Variants in POLH observed in about 807,000 individuals in gnomAD.
POLH encodes DNA polymerase eta.
Under a neutral mutation model 73.6 loss-of-function variants are expected in POLH, and 53 were observed. The ratio of observed to expected loss-of-function variants is 0.72; its 90% CI spans 0.58 to 0.91. The LOEUF (loss-of-function observed/expected upper bound fraction) is 0.91, where lower values mean the gene tolerates loss of function less well. POLH is among the 40% of genes least tolerant of loss of function. POLH has a pLI of 0.00. For synonymous variants in POLH, 292 were observed against 308.5 expected, an observed-to-expected ratio of 0.95 and a Z score of 0.56; for missense variants, 768 against 865.4, an observed-to-expected ratio of 0.89 and a Z score of 1.41.
intron 4 of POLH, among the ~76,000 whole-genome samples, chr6:43,589,661 G>A (rs1478046953): frequency 6.8e-6 from 1 of 147,846 alleles, no homozygotes; most frequent in Non-Finnish European, 1.5e-5. Flanking sequence ...TGAGATGGAA[G>A]TCTCACTATG....
At chr6:43,601,613 A>G (rs964367946) in intron 6 of POLH, among the ~76,000 whole-genome samples, 1 of 152,034 alleles carries the variant, frequency 6.6e-6, no homozygotes, top group Non-Finnish European at 1.5e-5. Flanking sequence ...TCTGTGGCAG[A>G]TACTTAATCC....
At chr6:43,579,313 T>C (rs1763749921) in intron 1 of POLH, among the ~76,000 whole-genome samples, 1 of 152,228 alleles carries the variant, frequency 6.6e-6, no homozygotes, top group Admixed American at 6.5e-5. Flanking sequence ...CCAGGAAGAA[T>C]CTGGACAGGC....
At chr6:43,591,697 G>A (rs1765481312) in intron 4 of POLH, among the ~76,000 whole-genome samples, 3 of 151,194 alleles carry the variant, frequency 2.0e-5, no homozygotes. Flanking sequence ...GTTTATTTGA[G>A]AATTACATAC....
In POLH at chr6:43,614,773, GA is replaced by G; in HGVS notation, c.*217del. 1.9e-6 allele frequency: 1 copy of G among 536,276 alleles called. No homozygotes were observed. Among genetic ancestry groups the G allele is most frequent in the East Asian group, 3.1e-5 (1 of 32,174 alleles). The allele number at this position is 536,276 out of a possible 1,614,324, so 33.2% of individuals were successfully genotyped here. On this transcript the variant is annotated 3_prime_UTR_variant, in exon 11 of 11. Transcript: ENST00000372236. The stretch of plus-strand genomic sequence containing the variant: ...AGAGATGTAAAAATTCATCCTACCA[GA>G]GTTTTTAATCTTTAGCATTTAGGGA...
chr6:43,592,404 CTT>C (rs897203358), intron 4 of POLH, among the ~76,000 whole-genome samples: 23 of 131,778 alleles, frequency 1.7e-4, no homozygotes, highest in East Asian at 2.1e-4. Flanking sequence ...TTTGTATCTT[CTT>C]TTTTTTTTTT....
chr6:43,593,896 A>AAAAAG (rs1554139794), intron 4 of POLH, among the ~76,000 whole-genome samples: 73 of 146,140 alleles, frequency 5.0e-4, no homozygotes, highest in African/African-American at 1.7e-3. Context: ...AAAAAAAAAA[A>AAAAAG]AAAGAAAGAA....
At chr6:43,581,685 C>T (rs1236807888) in intron 1 of POLH, among the ~76,000 whole-genome samples, 2 of 144,736 alleles carry the variant, frequency 1.4e-5, no homozygotes, top group African/African-American at 5.4e-5. Flanking sequence ...CGGGCGGCGG[C>T]GGCTGCGGTC....
intron 1 of POLH, chr6:43,578,417 G>A (rs966008096): frequency 9.1e-6 from 4 of 441,414 alleles, no homozygotes; most frequent in Middle Eastern, 3.3e-4. Flanking sequence ...AAAAACTCAT[G>A]CCCAGGTCAT....
chr6:43,613,575 C>T (rs973056538), intron 10 of POLH, 85 bp from the exon 11 acceptor site: 135 of 1,123,610 alleles, frequency 1.2e-4, no homozygotes, highest in South Asian at 3.0e-4. Flanking sequence ...TGAAATAAAA[C>T]AGATACAATT....
At position 43,578,226 on chromosome 6, in the gene POLH, G is replaced by A. The variant is rs564432408; in HGVS notation, c.-5+1786G>A. On this transcript the variant is annotated intron_variant, in intron 1 of 10. Transcript: ENST00000372236. ...ACATGGTGAAACCCAGTCTCTACTC[G>A]AAATACAAAAATTAGCCGGGCGTGG... Among the ~76,000 whole-genome samples, 13 of 150,068 alleles carry A rather than the reference G, an allele frequency of 8.7e-5. No individual in the cohort carries two copies. In the East Asian group the frequency reaches 1.6e-3, roughly 18 times the overall value.
rs1023093353 is a variant in POLH at position 43,583,610 on chromosome 6, A to G, written c.272+469A>G. On this transcript the variant is annotated intron_variant, in intron 3 of 10. Transcript: ENST00000372236. The stretch of plus-strand genomic sequence containing the variant: ...TCTCTCCGCAAATATTAGAAGTTTC[A>G]CCTTGGAATGGGGGATATGAATCAG... Among the ~76,000 whole-genome samples, 4 of 152,160 alleles carry G rather than the reference A, an allele frequency of 2.6e-5. No individual in the cohort carries two copies. In the East Asian group the frequency reaches 5.8e-4, roughly 22 times the overall value.
intron 1 of POLH, among the ~76,000 whole-genome samples, chr6:43,580,809 G>A (rs1449647412): frequency 2.9e-5 from 4 of 136,564 alleles, no homozygotes; most frequent in Non-Finnish European, 1.6e-5. Flanking sequence ...TGGCCGGGCA[G>A]AGGGGCTCCT....
At chr6:43,588,050 A>G (rs1765026101) in intron 4 of POLH, among the ~76,000 whole-genome samples, 1 of 152,228 alleles carries the variant, frequency 6.6e-6, no homozygotes, top group Non-Finnish European at 1.5e-5. Context: ...AAAAAAATCA[A>G]TAGAAGGCTG....
At chr6:43,576,835 C>T (rs966814200) in intron 1 of POLH, among the ~76,000 whole-genome samples, 1 of 152,184 alleles carries the variant, frequency 6.6e-6, no homozygotes, top group African/African-American at 2.4e-5. Flanking sequence ...ATGGCTTGGG[C>T]AGAAAGTCTT....
intron 4 of POLH, among the ~76,000 whole-genome samples, chr6:43,592,365 A>G (rs774024088): frequency 2.0e-5 from 3 of 151,210 alleles, no homozygotes; most frequent in Non-Finnish European, 2.9e-5. Flanking sequence ...AGAGCTAGCA[A>G]TCATGCTCAG....
In POLH at chr6:43,618,258, C is replaced by T. The variant is rs955876652; in HGVS notation, c.*3701C>T. 3.9e-5 allele frequency among the ~76,000 whole-genome samples: 6 copies of T among 152,060 alleles called. No individual in the cohort carries two copies. Among genetic ancestry groups the T allele is most frequent in the African/African-American group, 9.7e-5 (4 of 41,390 alleles). On this transcript the variant is annotated 3_prime_UTR_variant, in exon 11 of 11. Transcript: ENST00000372236. ...GCAACCTCCGTCTCTCGGGTTCAAG[C>T]AATTCTCCTGCCTCAGCTTCCCGAA...
intron 4 of POLH, 75 bp from the exon 5 acceptor site, chr6:43,597,621 C>T: frequency 2.2e-6 from 3 of 1,348,524 alleles, no homozygotes; most frequent in Non-Finnish European, 3.1e-6. Flanking sequence ...GTAATCTAAG[C>T]ATTTCTACAT....
chr6:43,588,420 CTTTT>C (rs1273523372), intron 4 of POLH: 1 of 148,908 alleles, frequency 6.7e-6, no homozygotes, highest in African/African-American at 2.5e-5. Context: ...TTCTTTCTTT[CTTTT>C]TTCTTTCTTT....
At chr6:43,610,053 ATTC>A (rs1219323315) in intron 9 of POLH, among the ~76,000 whole-genome samples, 12 of 134,698 alleles carry the variant, frequency 8.9e-5, no homozygotes, top group Non-Finnish European at 1.9e-4. Context: ...ATATATATAG[ATTC>A]TTTTTTTTTT....
Sources: gnomAD v4.1 joint callset for allele counts (sites outside exome capture counted in the v4.1 genomes callset) on GRCh38, gnomAD v4.1.1 for gene constraint, MANE v1.5 for transcripts, NCBI Gene and HGNC (gene_info 2026-07-23, HGNC 2026-07-21) for gene names.